PLGRKT: variants seen among roughly 807,000 people sequenced by gnomAD.
PLGRKT encodes plasminogen receptor with a C-terminal lysine, also known as plasminogen receptor (KT).
A neutral mutation model predicts 18.5 loss-of-function variants in PLGRKT; 22 were observed. The observed-to-expected ratio is 1.19, with a 90% CI of 0.85 to 1.70. The LOEUF is 1.70. Ranked by LOEUF, PLGRKT falls within the 40% of genes most tolerant of loss-of-function variation. PLGRKT has a pLI of 0.00. For missense variants in PLGRKT, 235 were observed against 174.4 expected, an observed-to-expected ratio of 1.35 and a Z score of -1.96; for synonymous variants, 72 against 52.8, an observed-to-expected ratio of 1.36 and a Z score of -1.58.
intron 3 of PLGRKT, among the ~76,000 whole-genome samples, chr9:5,428,503 G>T (rs1188457606): frequency 6.6e-6 from 1 of 152,156 alleles, no homozygotes; most frequent in Non-Finnish European, 1.5e-5. Context: ...AATAATGATG[G>T]CTCTGAGTGG....
intron 3 of PLGRKT, among the ~76,000 whole-genome samples, chr9:5,399,443 AT>A (rs922282466): frequency 3.3e-5 from 5 of 151,530 alleles, no homozygotes; most frequent in African/African-American, 1.2e-4. Flanking sequence ...CAATAGGCAG[AT>A]TTTTTTTCCC....
chr9:5,364,736 C>T (rs946664892), intron 3 of PLGRKT, among the ~76,000 whole-genome samples: 1 of 152,150 alleles, frequency 6.6e-6, no homozygotes, highest in East Asian at 1.9e-4. Flanking sequence ...TACAGATTAA[C>T]AATTCTGAAA....
chr9:5,375,793 A>G (rs1817615716), intron 3 of PLGRKT, among the ~76,000 whole-genome samples: 1 of 152,188 alleles, frequency 6.6e-6, no homozygotes, highest in Admixed American at 6.5e-5. Flanking sequence ...TGGTAAGGTG[A>G]TTCCTAAAAC....
chr9:5,406,184 T>G (rs1428048939), intron 3 of PLGRKT, among the ~76,000 whole-genome samples: 2 of 152,214 alleles, frequency 1.3e-5, no homozygotes, highest in Admixed American at 6.5e-5. Context: ...GTTCAACCTT[T>G]GTGGAAGACA....
intron 5 of PLGRKT, 97 bp downstream of exon 5, chr9:5,360,981 T>C (rs1229338764): frequency 1.9e-5 from 13 of 699,020 alleles, no homozygotes; most frequent in Non-Finnish European, 3.0e-5. Context: ...AGAGAGAGTC[T>C]TGTCAGAATC....
At chr9:5,376,348 C>G (rs1332099077) in intron 3 of PLGRKT, among the ~76,000 whole-genome samples, 1 of 152,190 alleles carries the variant, frequency 6.6e-6, no homozygotes. Context: ...ACCAGACTGT[C>G]TGCATTTGCA....
intron 3 of PLGRKT, among the ~76,000 whole-genome samples, chr9:5,384,809 C>A (rs1009301696): frequency 6.6e-6 from 1 of 152,010 alleles, no homozygotes; most frequent in Non-Finnish European, 1.5e-5. Flanking sequence ...GCACAAGAAC[C>A]CAGCATAGCC....
At chr9:5,413,094 T>G (rs1419979897) in intron 3 of PLGRKT, among the ~76,000 whole-genome samples, 8 of 152,224 alleles carry the variant, frequency 5.3e-5, no homozygotes, top group Non-Finnish European at 1.0e-4. Flanking sequence ...CATACTTTGT[T>G]GGTGAGACTT....
chr9:5,381,599 T>A (rs1319873299), intron 3 of PLGRKT, among the ~76,000 whole-genome samples: 1 of 152,194 alleles, frequency 6.6e-6, no homozygotes, highest in Non-Finnish European at 1.5e-5. Context: ...GAAAGTTACA[T>A]AAAATGGGGA....
At chr9:5,433,527 G>C (rs1252677782) in intron 2 of PLGRKT, among the ~76,000 whole-genome samples, 1 of 148,364 alleles carries the variant, frequency 6.7e-6, no homozygotes, top group Non-Finnish European at 1.5e-5. Flanking sequence ...GAGCGCCTTT[G>C]CCCGGCCGCC....
Position 5,418,489 on chromosome 9 carries a change from G to A in PLGRKT, c.81+13408C>T, listed in dbSNP as rs1818507764. The A allele has an allele frequency of 3.6e-6, 4 of 1,114,314 alleles. No homozygotes were observed. The Admixed American group carries it at 6.9e-5, about 19-fold the overall frequency. The allele number at this position is 1,114,314 out of a possible 1,614,324, so 69.0% of individuals were successfully genotyped here. On this transcript the variant is annotated intron_variant, in intron 3 of 5. Coordinates refer to ENST00000223864, the MANE Select transcript of PLGRKT (RefSeq NM_018465.4). This position sits in a 1 kb window ranked among gnomAD's most constrained non-coding sequence, Gnocchi z 4.2. Reference sequence around the variant, plus strand: ...GACAGTGCACACCCTCAACCACATGGAGCTTTTCACCATGCCCCGCCTGTC... The same window carrying A: ...GACAGTGCACACCCTCAACCACATGAAGCTTTTCACCATGCCCCGCCTGTC...
chr9:5,389,029 G>T (rs1235250367), intron 3 of PLGRKT, among the ~76,000 whole-genome samples: 2 of 151,944 alleles, frequency 1.3e-5, no homozygotes, highest in Admixed American at 1.3e-4. Flanking sequence ...GTACCATGGG[G>T]AACTGTGGGG....
At chr9:5,411,667 A>G (rs543362513) in intron 3 of PLGRKT, among the ~76,000 whole-genome samples, 2 of 152,350 alleles carry the variant, frequency 1.3e-5, no homozygotes, top group East Asian at 3.9e-4. Flanking sequence ...AGCCACTGCT[A>G]ACACATCCTC....
At chr9:5,363,397 G>C (rs574134607) in intron 3 of PLGRKT, among the ~76,000 whole-genome samples, 6 of 151,904 alleles carry the variant, frequency 3.9e-5, no homozygotes, top group African/African-American at 1.4e-4. Context: ...TCCCAAGTGT[G>C]TGTTATGGGG....
intron 3 of PLGRKT, among the ~76,000 whole-genome samples, chr9:5,414,950 A>T (rs1818430840): frequency 1.3e-5 from 2 of 152,240 alleles, no homozygotes; most frequent in African/African-American, 2.4e-5. Flanking sequence ...AAATAAATAC[A>T]GATGTGTGTC....
At chr9:5,425,626 C>A (rs142242698) in intron 3 of PLGRKT, among the ~76,000 whole-genome samples, 14 of 152,284 alleles carry the variant, frequency 9.2e-5, no homozygotes, top group Non-Finnish European at 1.5e-4. Context: ...CAGGCCATTA[C>A]ATTGCATTAC....
At chr9:5,414,891 T>C (rs1395298706) in intron 3 of PLGRKT, among the ~76,000 whole-genome samples, 1 of 152,184 alleles carries the variant, frequency 6.6e-6, no homozygotes, top group Non-Finnish European at 1.5e-5. Flanking sequence ...AATAGAAGTG[T>C]CAATATGAAC....
At chr9:5,382,227 C>T (rs985853112) in intron 3 of PLGRKT, among the ~76,000 whole-genome samples, 3 of 152,164 alleles carry the variant, frequency 2.0e-5, no homozygotes, top group Admixed American at 6.5e-5. Flanking sequence ...CTGCCCTCAT[C>T]GAGTCTAGTC....
chr9:5,400,896 G>A (rs949100223), intron 3 of PLGRKT, among the ~76,000 whole-genome samples: 1 of 151,880 alleles, frequency 6.6e-6, no homozygotes, highest in Non-Finnish European at 1.5e-5. Context: ...GAAACATTCT[G>A]AGGCACTGCT....
Sources: gnomAD v4.1 joint callset for allele counts (sites outside exome capture counted in the v4.1 genomes callset) on GRCh38, gnomAD v4.1.1 for gene constraint, Gnocchi (gnomAD v3.1) non-coding constraint, MANE v1.5 for transcripts, NCBI Gene and HGNC (gene_info 2026-07-23, HGNC 2026-07-21) for gene names.